Variants in CFAP210 observed in about 807,000 individuals in gnomAD.
The protein encoded by CFAP210 is cilia- and flagella- associated protein 210.
chr2:169,689,294 T>C, the CFAP210 span, among the ~76,000 whole-genome samples: 1 of 152,202 alleles, frequency 6.6e-6, no homozygotes, highest in East Asian at 1.9e-4. Context: ...ATTTTTTCAA[T>C]AATGTTTTGT....
At chr2:169,658,233 A>C in the CFAP210 span, 1 of 152,320 alleles carries the variant, frequency 6.6e-6, no homozygotes, top group Non-Finnish European at 1.5e-5. Flanking sequence ...TAAAACTTTA[A>C]ACTCTTAAAA....
the CFAP210 span, among the ~76,000 whole-genome samples, chr2:169,652,443 A>G: frequency 0.1 from 15,356 of 152,152 alleles, 969 homozygotes; most frequent in Middle Eastern, 0.19. Flanking sequence ...AACAGTGAAC[A>G]AAAACATTAG....
chr2:169,659,744 C>G, the CFAP210 span, among the ~76,000 whole-genome samples: 1 of 152,208 alleles, frequency 6.6e-6, no homozygotes, highest in East Asian at 1.9e-4. Flanking sequence ...GCCTTCCCAA[C>G]AGTCCCCAAA....
the CFAP210 span, among the ~76,000 whole-genome samples, chr2:169,671,019 C>T: frequency 6.6e-6 from 1 of 152,142 alleles, no homozygotes; most frequent in Non-Finnish European, 1.5e-5. Context: ...CTGCAATTTC[C>T]ATTTCTTTGT....
the CFAP210 span, among the ~76,000 whole-genome samples, chr2:169,692,377 T>C: frequency 6.8e-4 from 104 of 151,954 alleles, no homozygotes; most frequent in Non-Finnish European, 1.2e-3. Context: ...AGGGGCCTTC[T>C]TGCCGCATCA....
chr2:169,657,579 A>G, the CFAP210 span, among the ~76,000 whole-genome samples: 107 of 152,042 alleles, frequency 7.0e-4, no homozygotes, highest in Non-Finnish European at 1.1e-3. Flanking sequence ...TTAGCCGGGT[A>G]TGTGGCACAT....
the CFAP210 span, chr2:169,650,543 C>T: frequency 2.7e-5 from 39 of 1,467,878 alleles, no homozygotes; most frequent in East Asian, 7.5e-5. Context: ...TAACCATACT[C>T]GTCAAATCTT....
chr2:169,656,623 C>G, the CFAP210 span, among the ~76,000 whole-genome samples: 1 of 152,104 alleles, frequency 6.6e-6, no homozygotes, highest in East Asian at 1.9e-4. Context: ...AGCAGCTATT[C>G]AGGGCCATGA....
the CFAP210 span, among the ~76,000 whole-genome samples, chr2:169,670,243 C>T: frequency 6.6e-6 from 1 of 152,014 alleles, no homozygotes; most frequent in Non-Finnish European, 1.5e-5. Context: ...GTGTAAGATT[C>T]CTGGTCAAAA....
At chr2:169,694,285 A>C in the CFAP210 span, 1 of 1,614,034 alleles carries the variant, frequency 6.2e-7, no homozygotes, top group African/African-American at 1.3e-5. Context: ...GCCCGTCCAC[A>C]GCGCCGTCCA....
At chr2:169,663,091 C>T in the CFAP210 span, among the ~76,000 whole-genome samples, 1 of 152,158 alleles carries the variant, frequency 6.6e-6, no homozygotes. Context: ...CAGGAGCTCC[C>T]ACACTAAGCA....
chr2:169,653,274 A>G, the CFAP210 span, among the ~76,000 whole-genome samples: 2 of 151,552 alleles, frequency 1.3e-5, no homozygotes, highest in African/African-American at 4.9e-5. Context: ...GGAGGTGAGC[A>G]TTCCTTAGAG....
the CFAP210 span, among the ~76,000 whole-genome samples, chr2:169,685,853 G>T: frequency 6.6e-6 from 1 of 152,042 alleles, no homozygotes; most frequent in Non-Finnish European, 1.5e-5. Flanking sequence ...ACTTATCCCA[G>T]CACCATTTGT....
chr2:169,661,258 G>A, the CFAP210 span: 8 of 558,922 alleles, frequency 1.4e-5, no homozygotes, highest in Non-Finnish European at 2.9e-5. Context: ...TCCTCTGTAT[G>A]ACTGTAAGTC....
the CFAP210 span, chr2:169,662,582 A>G: frequency 1.4e-6 from 1 of 698,668 alleles, no homozygotes; most frequent in South Asian, 2.1e-5. Flanking sequence ...CAGACATTAA[A>G]TAGCAGTGAC....
chr2:169,646,370 A>G, the CFAP210 span, among the ~76,000 whole-genome samples: 1 of 152,196 alleles, frequency 6.6e-6, no homozygotes, highest in Non-Finnish European at 1.5e-5. Context: ...TGGTGGTGCA[A>G]TGAAACCTTT....
the CFAP210 span, among the ~76,000 whole-genome samples, chr2:169,668,900 G>A: frequency 2.0e-5 from 3 of 152,308 alleles, no homozygotes; most frequent in Middle Eastern, 3.4e-3. Flanking sequence ...AAAGTGACAT[G>A]CTGTTGAACA....
the CFAP210 span, among the ~76,000 whole-genome samples, chr2:169,684,181 G>C: frequency 2.2e-3 from 330 of 152,188 alleles, no homozygotes; most frequent in Non-Finnish European, 4.0e-3. Context: ...TGGACAGAGA[G>C]AGAATATAAA....
chr2:169,692,710 T>G, the CFAP210 span, among the ~76,000 whole-genome samples: 1 of 152,188 alleles, frequency 6.6e-6, no homozygotes, highest in Admixed American at 6.5e-5. Context: ...ACAAACATAC[T>G]TGGTGAGTTT....
Sources: allele counts gnomAD v4.1 joint callset (sites outside exome capture counted in the v4.1 genomes callset), GRCh38; gene constraint gnomAD v4.1.1; transcripts MANE v1.5; gene names NCBI Gene and HGNC (gene_info 2026-07-23, HGNC 2026-07-21).